Variants in SPATA3 observed in about 807,000 individuals in gnomAD.
The protein encoded by SPATA3 is spermatogenesis associated 3.
SPATA3 carries 6 observed loss-of-function variants against 5.7 expected under a neutral mutation model. The observed-to-expected ratio is 1.06, with a 90% confidence interval of 0.58 to 2.09. The LOEUF (loss-of-function observed/expected upper bound fraction) is 2.09, where lower values mean the gene tolerates loss of function less well. SPATA3 is among the 30% of genes most tolerant of loss of function. SPATA3 has a pLI of 0.00. For synonymous variants in SPATA3, 44 were observed against 48.4 expected (o/e 0.91, Z 0.37); for missense variants, 155 against 130.4 (o/e 1.19, Z -0.92).
rs1037585874 is a variant in SPATA3, at chr2:230,996,626, A to G, written c.791-3740A>G. The G allele has an allele frequency of 2.8e-6, 4 of 1,437,628 alleles. No homozygotes were observed. In the African/African-American group the frequency reaches 4.2e-5, roughly 15 times the overall value. The allele number at this position is 1,437,628 out of a possible 1,614,324, so 89.1% of individuals were successfully genotyped here. A position where few individuals can be genotyped will look rare whatever the true frequency, so the allele number is the denominator to read the frequency against. ...GCTGGTTCTTGTAGGATAGTGATGC[A>G]TGGTTAACGTGTATCCTGGAGCTGT... On this transcript the variant is annotated intron_variant, in intron 1 of 2. Transcript: ENST00000645363.
chr2:231,005,466 CCACCATCAT>C (rs1692572627), downstream of SPATA3, among the ~76,000 whole-genome samples: 1 of 10,532 alleles, frequency 9.5e-5, no homozygotes, highest in East Asian at 2.7e-3. Context: ...ACCACCACCA[CCACCATCAT>C]CACCACCACC....
chr2:231,000,401 T>G, exon 2 of SPATA3: 1 of 1,536,418 alleles, frequency 6.5e-7, no homozygotes, highest in Non-Finnish European at 8.8e-7. Flanking sequence ...TTCCTGCTCC[T>G]GTGCCACTTG....
intron 1 of SPATA3, among the ~76,000 whole-genome samples, chr2:230,999,987 A>G (rs1692282738): frequency 6.6e-6 from 1 of 152,166 alleles, no homozygotes; most frequent in Non-Finnish European, 1.5e-5. Flanking sequence ...ATTACTGTGA[A>G]ATTAAATGAG....
downstream of SPATA3, among the ~76,000 whole-genome samples, chr2:231,003,634 T>C (rs903018876): frequency 6.6e-6 from 1 of 152,186 alleles, no homozygotes; most frequent in Non-Finnish European, 1.5e-5. Flanking sequence ...GGGTAGGGAC[T>C]GCATGTCTTT....
At chr2:230,999,931 A>G (rs11684067) in intron 1 of SPATA3, 30,700 of 158,812 alleles carry the variant, frequency 0.19, 3,853 homozygotes, top group Non-Finnish European at 0.27. Flanking sequence ...GCTGAGCCTC[A>G]GTTTCCTTAT....
intron 1 of SPATA3, among the ~76,000 whole-genome samples, chr2:230,999,024 G>A (rs576862376): frequency 1.3e-5 from 2 of 152,216 alleles, no homozygotes; most frequent in South Asian, 4.2e-4. Flanking sequence ...AACAAAATGT[G>A]GTATGAAATA....
exon 6 of SPATA3, chr2:231,013,973 C>T (rs1248456070): frequency 6.6e-6 from 1 of 151,656 alleles, no homozygotes; most frequent in East Asian, 1.9e-4. Context: ...TTAGAATCAA[C>T]TCACCTGGTG....
chr2:230,998,906 G>T (rs1301575263), intron 1 of SPATA3, among the ~76,000 whole-genome samples: 1 of 152,164 alleles, frequency 6.6e-6, no homozygotes, highest in Non-Finnish European at 1.5e-5. Context: ...ATCTTATTAA[G>T]CATATTAGAA....
At chr2:231,005,554 C>CATG (rs199882764), downstream of SPATA3, among the ~76,000 whole-genome samples, 1 of 121,246 alleles carries the variant, frequency 8.2e-6, no homozygotes, top group Admixed American at 8.3e-5. Flanking sequence ...TCATCACCAC[C>CATG]ACCATCATCA....
downstream of SPATA3, among the ~76,000 whole-genome samples, chr2:231,005,693 C>T (rs976587421): frequency 1.3e-5 from 2 of 148,916 alleles, no homozygotes; most frequent in African/African-American, 5.0e-5. Flanking sequence ...CCAGGCCCTG[C>T]ACCTGGCAAT....
At chr2:231,001,910 A>C (rs1165352652) in intron 2 of SPATA3, among the ~76,000 whole-genome samples, 1 of 152,196 alleles carries the variant, frequency 6.6e-6, no homozygotes, top group South Asian at 2.1e-4. Flanking sequence ...GAACCTCTGA[A>C]AGGTTCCTGT....
intron 6 of SPATA3, among the ~76,000 whole-genome samples, chr2:231,017,927 C>CT (rs200333917): frequency 1.3e-4 from 18 of 134,464 alleles, no homozygotes; most frequent in South Asian, 2.3e-4. Context: ...GATAGAGAAA[C>CT]TTTTTTTTTT....
At chr2:231,011,071 T>TAAAAAA (rs750897782), downstream of SPATA3, among the ~76,000 whole-genome samples, 1 of 22,160 alleles carries the variant, frequency 4.5e-5, no homozygotes, top group East Asian at 1.4e-3. Context: ...AGACCCTGTC[T>TAAAAAA]CAAAAAAAAA....
At chr2:231,016,011 C>T (rs1160920759) in intron 6 of SPATA3, among the ~76,000 whole-genome samples, 1 of 152,206 alleles carries the variant, frequency 6.6e-6, no homozygotes, top group East Asian at 1.9e-4. Flanking sequence ...GGGAGCCTCA[C>T]CTCTTTGGGC....
chr2:231,003,241 A>G (rs1457122245), downstream of SPATA3, among the ~76,000 whole-genome samples: 1 of 152,154 alleles, frequency 6.6e-6, no homozygotes, highest in African/African-American at 2.4e-5. Flanking sequence ...GACGTCTTCC[A>G]TCTTCTCAAC....
downstream of SPATA3, among the ~76,000 whole-genome samples, chr2:231,008,604 G>A (rs190288290): frequency 6.6e-6 from 1 of 152,134 alleles, no homozygotes; most frequent in Admixed American, 6.5e-5. Flanking sequence ...GTGGGGTCGT[G>A]TTGTGGTCCT....
chr2:230,996,196 C>A, intron 1 of SPATA3: 1 of 1,528,782 alleles, frequency 6.5e-7, no homozygotes, highest in South Asian at 1.2e-5. Flanking sequence ...GATTACGCAG[C>A]TCCATGTAGG....
At chr2:231,003,096 G>A (rs769098874), downstream of SPATA3, among the ~76,000 whole-genome samples, 5 of 152,118 alleles carry the variant, frequency 3.3e-5, no homozygotes, top group African/African-American at 1.2e-4. Context: ...GGGGGCAAAG[G>A]TTTCTACCCA....
intron 1 of SPATA3, among the ~76,000 whole-genome samples, chr2:230,996,877 A>G (rs1367355216): frequency 6.6e-6 from 1 of 152,232 alleles, no homozygotes; most frequent in Non-Finnish European, 1.5e-5. Context: ...GGTTTAGAAT[A>G]AGGGAGGTGA....
Sources: gnomAD v4.1 joint callset for allele counts (sites outside exome capture counted in the v4.1 genomes callset) on GRCh38, gnomAD v4.1.1 for gene constraint, MANE v1.5 for transcripts, NCBI Gene and HGNC (gene_info 2026-07-23, HGNC 2026-07-21) for gene names.